The following FADS2 variants were observed in gnomAD, a reference collection of about 807,000 sequenced individuals.
FADS2 encodes the protein acyl-CoA 6-desaturase.
Under a neutral mutation model 61.2 loss-of-function variants are expected in FADS2, and 18 were observed. The observed-to-expected ratio is 0.29, with a 90% CI of 0.20 to 0.44. FADS2 has a LOEUF of 0.44. Among genes scored for constraint, FADS2 ranks in the 20% least tolerant of loss-of-function variants. The pLI, the probability that FADS2 is intolerant of heterozygous loss-of-function variation, is 1.00. For synonymous variants in FADS2, 203 were observed against 223.9 expected (o/e 0.91, Z 0.83); for missense variants, 322 against 572.7 (o/e 0.56, Z 4.47).
intron 2 of FADS2, among the ~76,000 whole-genome samples, chr11:61,838,366 G>C (rs1016793678): frequency 1.7e-4 from 26 of 152,280 alleles, no homozygotes; most frequent in Admixed American, 1.4e-3. Context: ...AGGTCTCATG[G>C]GCTGTTGTTT....
intron 5 of FADS2, among the ~76,000 whole-genome samples, chr11:61,853,231 CTCTTTCTT>C (rs138194593): frequency 1.2e-4 from 14 of 121,662 alleles, no homozygotes; most frequent in Non-Finnish European, 1.9e-4. Context: ...TTTCTTTCTT[CTCTTTCTT>C]TCTTTCTCTC....
At chr11:61,840,862 C>T (rs1591170230) in intron 4 of FADS2, 137 bp downstream of exon 4, 2 of 684,396 alleles carry the variant, frequency 2.9e-6, no homozygotes, top group East Asian at 2.7e-5. Context: ...CATGGTGACT[C>T]TCCATTCTGC....
At chr11:61,839,822 T>C (rs1471292452) in intron 2 of FADS2, among the ~76,000 whole-genome samples, 1 of 152,200 alleles carries the variant, frequency 6.6e-6, no homozygotes, top group East Asian at 1.9e-4. Context: ...GAATTTGGCC[T>C]CTCCAAGGAC....
chr11:61,816,781 G>A lies in FADS2; in HGVS notation c.141+355G>A. The A allele has an allele frequency of 2.6e-6, 4 of 1,519,208 alleles. No homozygotes were observed. The allele number at this position is 1,519,208 out of a possible 1,614,324, so 94.1% of individuals were successfully genotyped here. ...CATAGCTGGCCTGGCGACGCCGCGC[G>A]CCGGGCCAGCAGGGGCTGTCAGGCG... On this transcript the variant is annotated intron_variant, in intron 1 of 11. Coordinates refer to the FADS2 transcript ENST00000257261. This position sits in a 1 kb window ranked among gnomAD's most constrained non-coding sequence, Gnocchi z 7.0.
intron 4 of FADS2, among the ~76,000 whole-genome samples, chr11:61,845,294 ACCCT>A (rs925551808): frequency 1.3e-5 from 2 of 151,316 alleles, no homozygotes; most frequent in African/African-American, 4.9e-5. Context: ...ATGAGGCCAG[ACCCT>A]CCCTCGCAGC....
At chr11:61,860,080 C>T (rs1296823212) in intron 7 of FADS2, among the ~76,000 whole-genome samples, 4 of 152,352 alleles carry the variant, frequency 2.6e-5, no homozygotes, top group East Asian at 1.9e-4. Flanking sequence ...GAGCCAGGAG[C>T]GCACCTATGA....
At chr11:61,820,757 G>C (rs1021644285) in intron 1 of FADS2, among the ~76,000 whole-genome samples, 3 of 151,940 alleles carry the variant, frequency 2.0e-5, no homozygotes, top group African/African-American at 7.3e-5. Context: ...AAATTAGCCG[G>C]GTGTGGTGGG....
Position 61,816,343 on chromosome 11 carries a change from C to G in FADS2, c.58C>G (p.Pro20Ala). The change falls in exon 1 of 12, where the codon CCC becomes GCC. Residue 20 changes from proline to alanine, a missense_variant. Transcript: ENST00000257261. The surrounding 1 kb of genome is among the most constrained non-coding windows in gnomAD (Gnocchi z 7.0). ...TGTGTGCGTGTTGTTGGCCTCCATCCCCACTCCCCAGACTCCACTTCTCCA... is the reference window on the plus strand; with the variant it reads ...TGTGTGCGTGTTGTTGGCCTCCATCGCCACTCCCCAGACTCCACTTCTCCA... 6.3e-7 allele frequency: 1 copy of G among 1,598,392 alleles called. No homozygotes were observed. The highest frequency in any genetic ancestry group is 1.1e-5 in the South Asian group (1 of 91,074).
chr11:61,865,738 G>C lies in FADS2; in HGVS notation c.*49G>C. The C allele has an allele frequency of 6.6e-7, 1 of 1,523,934 alleles. No homozygotes were observed. Among genetic ancestry groups the C allele is most frequent in the Non-Finnish European group, 9.0e-7 (1 of 1,107,008 alleles). The allele number at this position is 1,523,934 out of a possible 1,614,324, so 94.4% of individuals were successfully genotyped here. On this transcript the variant is annotated 3_prime_UTR_variant, in exon 12 of 12. Transcript: ENST00000278840. This position sits in a 1 kb window ranked among gnomAD's most constrained non-coding sequence, Gnocchi z 4.1. ...GGGGAAGGGGTGCAGGTGGGGTGAT[G>C]GCCAGAGGAATGATGGGCTTTTGTT...
intron 1 of FADS2, among the ~76,000 whole-genome samples, chr11:61,830,857 A>T (rs2067122965): frequency 6.6e-6 from 1 of 152,240 alleles, no homozygotes; most frequent in African/African-American, 2.4e-5. Flanking sequence ...TATCAGGCAA[A>T]CGGGAATAAG....
At chr11:61,828,033 G>T, upstream of FADS2, 1 of 1,156,726 alleles carries the variant, frequency 8.6e-7, no homozygotes, top group African/African-American at 1.6e-5. This position sits in a 1 kb window ranked among gnomAD's most constrained non-coding sequence, Gnocchi z 6.4. Context: ...GGGAGGATGT[G>T]GAACCCGAGG....
intron 4 of FADS2, chr11:61,847,937 G>A: frequency 1.9e-6 from 1 of 528,936 alleles, no homozygotes; most frequent in South Asian, 2.1e-5. Context: ...TTATGATCAG[G>A]GAAACTGAAG....
chr11:61,863,194 G>A, intron 8 of FADS2, 88 bp from the exon 9 acceptor site: 3 of 1,423,784 alleles, frequency 2.1e-6, no homozygotes, highest in East Asian at 4.6e-5. Flanking sequence ...CTTGGCAGGG[G>A]CTGTCCTGGG....
chr11:61,817,186 GTGGCCGCAGGAAGGGT>G, intron 1 of FADS2: 1 of 315,722 alleles, frequency 3.2e-6, no homozygotes. Flanking sequence ...GGGCTGCGGG[GTGGCCGCAGGAAGGGT>G]GGGCGGGGCC....
rs1257372356 is a variant in FADS2 at position 61,866,247 on chromosome 11, A to G, written c.*558A>G. On this transcript the variant is annotated 3_prime_UTR_variant, in exon 12 of 12. Transcript: ENST00000278840. The stretch of plus-strand genomic sequence containing the variant: ...TACAAAGCTCGGGTCTCCCTCCTGC[A>G]GCTCGGTTAAGTACCCGAGGCCTCT... The G allele has an allele frequency of 1.3e-5, 5 of 372,858 alleles. No homozygotes were observed. Among genetic ancestry groups the G allele is most frequent in the Non-Finnish European group, 1.9e-5 (4 of 210,238 alleles). The allele number at this position is 372,858 out of a possible 1,614,324, so 23.1% of individuals were successfully genotyped here.
At chr11:61,824,110 G>T (rs564159819), upstream of FADS2, among the ~76,000 whole-genome samples, 7 of 151,986 alleles carry the variant, frequency 4.6e-5, no homozygotes, top group East Asian at 1.4e-3. Flanking sequence ...CGCTGGGTGC[G>T]GTGGCTTATG....
At chr11:61,856,626 C>T (rs1257141547) in intron 5 of FADS2, 1 of 200,668 alleles carries the variant, frequency 5.0e-6, no homozygotes, top group African/African-American at 2.3e-5. Flanking sequence ...ATTCATTCAA[C>T]AAACATTTGT....
intron 1 of FADS2, among the ~76,000 whole-genome samples, chr11:61,836,660 C>A (rs566340845): frequency 6.6e-6 from 1 of 152,276 alleles, no homozygotes; most frequent in East Asian, 1.9e-4. Flanking sequence ...TGAGCCCCTG[C>A]GACCAGTCAA....
In FADS2 at chr11:61,866,795, T is replaced by C. The variant is rs1183616932; in HGVS notation, c.*1106T>C. The stretch of plus-strand genomic sequence containing the variant: ...CCTGTTGCTCCAGGATGCATTCTGA[T>C]AGGAGGGGGCGGCAGGGCTGGGCCT... On this transcript the variant is annotated 3_prime_UTR_variant, in exon 12 of 12. Coordinates refer to ENST00000278840, the MANE Select transcript of FADS2 (RefSeq NM_004265.4). The C allele has an allele frequency of 6.5e-6, 1 of 152,704 alleles. No individual in the cohort carries two copies. The highest frequency in any genetic ancestry group is 1.5e-5 in the Non-Finnish European group (1 of 68,406). 9.5% of individuals were successfully genotyped at this position (152,704 alleles called of 1,614,324 possible).
Sources: gnomAD v4.1 joint callset for allele counts (sites outside exome capture counted in the v4.1 genomes callset) on GRCh38, gnomAD v4.1.1 for gene constraint, Gnocchi (gnomAD v3.1) non-coding constraint, MANE v1.5 for transcripts, NCBI Gene and HGNC (gene_info 2026-07-23, HGNC 2026-07-21) for gene names.